The following BRSK2 variants were observed in gnomAD, a reference collection of about 807,000 sequenced individuals.
BRSK2 encodes the protein BR serine/threonine kinase 2.
A neutral mutation model predicts 83.3 loss-of-function variants in BRSK2; 19 were observed. The ratio of observed to expected loss-of-function variants is 0.23; its 90% CI spans 0.16 to 0.33. BRSK2 has a LOEUF of 0.33. Ranked by LOEUF, BRSK2 falls within the 10% of genes least tolerant of loss-of-function variation. The pLI is 1.00. For missense variants in BRSK2, 798 were observed against 1,042.3 expected, an observed-to-expected ratio of 0.77 and a Z score of 3.23; for synonymous variants, 519 against 435.4, an observed-to-expected ratio of 1.19 and a Z score of -2.39.
rs775575987 is a variant in BRSK2, at chr11:1,460,734, C to G, written c.*11C>G. The G allele has an allele frequency of 2.9e-5, 23 of 796,544 alleles. No homozygotes were observed. Among genetic ancestry groups the G allele is most frequent in the African/African-American group, 5.7e-5 (1 of 17,642 alleles). 49.3% of individuals were successfully genotyped at this position (796,544 alleles called of 1,614,324 possible). A position where few individuals can be genotyped will look rare whatever the true frequency, so the allele number is the denominator to read the frequency against. ...CGCGAGCAGCCTTAGACACACTAGCCCCCCCCCCCAGCACAGCACTGACAG... is the reference window on the plus strand; with the variant it reads ...CGCGAGCAGCCTTAGACACACTAGCGCCCCCCCCCAGCACAGCACTGACAG... On this transcript the variant is annotated 3_prime_UTR_variant, in exon 20 of 20. Transcript: ENST00000528841.
intron 4 of BRSK2, 103 bp downstream of exon 4, chr11:1,441,031 C>T: frequency 9.8e-7 from 1 of 1,016,732 alleles, no homozygotes; most frequent in Non-Finnish European, 1.4e-6. Context: ...CCCTATGGTG[C>T]TATTCCGAGG....
intron 12 of BRSK2, among the ~76,000 whole-genome samples, chr11:1,447,399 G>A (rs572502458): frequency 1.3e-5 from 2 of 152,274 alleles, no homozygotes; most frequent in African/African-American, 4.8e-5. Flanking sequence ...CAACTCCCAG[G>A]CCTGGCTGCC....
intron 12 of BRSK2, chr11:1,447,800 A>G: frequency 6.3e-7 from 1 of 1,597,052 alleles, no homozygotes; most frequent in Non-Finnish European, 8.5e-7. Context: ...TGCTGTAGTA[A>G]AGCAATGTTC....
At position 1,461,198 on chromosome 11, in the gene BRSK2, C is replaced by T. The variant is rs1590746012; in HGVS notation, c.*475C>T. The T allele has an allele frequency of 1.4e-6, 1 of 718,630 alleles. No homozygotes were observed. Among genetic ancestry groups the T allele is most frequent in the Non-Finnish European group, 2.2e-6 (1 of 456,064 alleles). The allele number at this position is 718,630 out of a possible 1,614,324, so 44.5% of individuals were successfully genotyped here. On this transcript the variant is annotated 3_prime_UTR_variant, in exon 20 of 20. Transcript: ENST00000528841. ...CTCCAGCCCGGCCGACCCGGACTCC[C>T]GGTCACCTGACCCCTCAGCAAGAAC...
chr11:1,440,195 C>T (rs1226126428), intron 3 of BRSK2, among the ~76,000 whole-genome samples: 4 of 152,188 alleles, frequency 2.6e-5, no homozygotes, highest in Non-Finnish European at 4.4e-5. Flanking sequence ...CCCTCAGGAC[C>T]CTCCATGTGG....
At chr11:1,441,124 C>T (rs1467235703) in intron 4 of BRSK2, among the ~76,000 whole-genome samples, 196 bp downstream of exon 4, 2 of 143,272 alleles carry the variant, frequency 1.4e-5, no homozygotes, top group Admixed American at 6.9e-5. Context: ...ACTGTCCCCT[C>T]CATTAGCTAC....
intron 1 of BRSK2, chr11:1,411,512 C>A: frequency 6.6e-7 from 1 of 1,505,122 alleles, no homozygotes; most frequent in Non-Finnish European, 8.8e-7. Context: ...CAGCGGTGGG[C>A]AGGGGAGGGG....
At chr11:1,394,026 CATGGAGATGGGT>C (rs1845901495) in intron 1 of BRSK2, among the ~76,000 whole-genome samples, 1 of 128,878 alleles carries the variant, frequency 7.8e-6, no homozygotes, top group African/African-American at 2.9e-5. Flanking sequence ...GGAGATGGGC[CATGGAGATGGGT>C]CCTGGAGATG....
At chr11:1,449,948 C>T (rs926978006) in intron 13 of BRSK2, 112 bp downstream of exon 13, 50 of 721,918 alleles carry the variant, frequency 6.9e-5, no homozygotes, top group Middle Eastern at 3.3e-4. Context: ...CAGCCCCAGG[C>T]GCCCCCCATG....
intron 15 of BRSK2, among the ~76,000 whole-genome samples, 160 bp downstream of exon 15, chr11:1,451,579 C>T (rs540892757): frequency 3.9e-5 from 6 of 152,226 alleles, no homozygotes; most frequent in Admixed American, 1.3e-4. Context: ...CTCTGAAGTT[C>T]GAATTCCCGG....
chr11:1,455,449 T>G (rs1212765009), intron 16 of BRSK2, among the ~76,000 whole-genome samples: 2 of 152,014 alleles, frequency 1.3e-5, no homozygotes, highest in African/African-American at 4.8e-5. Context: ...CCTCTCTAGC[T>G]AGGGACTGGC....
chr11:1,438,579 T>C lies in BRSK2; in HGVS notation c.272+188T>C, dbSNP rs1343365181. On this transcript the variant is annotated intron_variant, in intron 3 of 19. Coordinates refer to ENST00000528841, the MANE Select transcript of BRSK2 (RefSeq NM_001256627.2). This position sits in a 1 kb window ranked among gnomAD's most constrained non-coding sequence, Gnocchi z 6.4. ...TCTCAGCCCAGGCTGCTGTGGTCTC[T>C]GCTTCTGGACCAAACCGGAGACCTG... Among the ~76,000 whole-genome samples the C allele has an allele frequency of 3.3e-5, 5 of 152,130 alleles. No homozygotes were observed. The highest frequency in any genetic ancestry group is 2.6e-4 in the Admixed American group (4 of 15,286).
chr11:1,437,976 C>G (rs1440106972), intron 2 of BRSK2, among the ~76,000 whole-genome samples: 1 of 152,290 alleles, frequency 6.6e-6, no homozygotes, highest in South Asian at 2.1e-4. Context: ...GGCCCCTGCC[C>G]TCTGCCCTCT....
chr11:1,435,883 G>C (rs1210308896), intron 1 of BRSK2, among the ~76,000 whole-genome samples, 157 bp from the exon 2 acceptor site: 1 of 151,816 alleles, frequency 6.6e-6, no homozygotes, highest in East Asian at 2.0e-4. Context: ...GAGCTGTTCT[G>C]GACAGCGACC....
At chr11:1,399,208 C>T (rs760123740) in intron 1 of BRSK2, among the ~76,000 whole-genome samples, 1 of 152,050 alleles carries the variant, frequency 6.6e-6, no homozygotes, top group Non-Finnish European at 1.5e-5. Context: ...GCAGGGCCAC[C>T]TCCAGGGTAC....
rs1477033880 is a variant in BRSK2 at position 1,456,461 on chromosome 11, C to T, written c.1782C>T (p.Thr594=). 6.3e-7 allele frequency: 1 copy of T among 1,583,982 alleles called. No individual in the cohort carries two copies. The highest frequency in any genetic ancestry group is 1.3e-5 in the African/African-American group (1 of 74,222). Residue 594 remains threonine, a synonymous_variant, in exon 17 of 20, where the codon ACC becomes ACT. Coordinates refer to ENST00000528841, the MANE Select transcript of BRSK2 (RefSeq NM_001256627.2). ...QKPVKFQVDI[T]YTEGGEAQKE... is the part of the protein sequence containing the mutation. ...CGGTCAAGTTCCAGGTTGATATCACCTACACGGAGGGTGGGGAGGCGCAGA... is the reference window on the plus strand; with the variant it reads ...CGGTCAAGTTCCAGGTTGATATCACTTACACGGAGGGTGGGGAGGCGCAGA...
chr11:1,456,792 C>A (rs1846614586), intron 18 of BRSK2, 105 bp downstream of exon 18: 1 of 1,350,106 alleles, frequency 7.4e-7, no homozygotes, highest in East Asian at 2.5e-5. Flanking sequence ...GCCTCCTGGC[C>A]CCTCTTGACG....
intron 1 of BRSK2, among the ~76,000 whole-genome samples, chr11:1,399,817 C>A (rs1349176291): frequency 1.3e-5 from 2 of 152,166 alleles, no homozygotes; most frequent in Non-Finnish European, 2.9e-5. Flanking sequence ...TTCCTTGGCA[C>A]CCTGGGGTGT....
At chr11:1,429,303 C>T (rs1336280947) in intron 1 of BRSK2, among the ~76,000 whole-genome samples, 2 of 106,268 alleles carry the variant, frequency 1.9e-5, no homozygotes, top group African/African-American at 1.1e-4. Context: ...GGCGTGTGTC[C>T]TGGGTGTGTG....
Sources: gnomAD v4.1 joint callset for allele counts (sites outside exome capture counted in the v4.1 genomes callset) on GRCh38, gnomAD v4.1.1 for gene constraint, Gnocchi (gnomAD v3.1) non-coding constraint, MANE v1.5 for transcripts, NCBI Gene and HGNC (gene_info 2026-07-23, HGNC 2026-07-21) for gene names.